WDR59: variants seen among roughly 807,000 people sequenced by gnomAD.
The protein encoded by WDR59 is WD repeat domain 59.
WDR59 carries 100 observed loss-of-function variants against 131.2 expected under a neutral mutation model. That is an observed-to-expected ratio of 0.76 (90% CI 0.65 to 0.90). The LOEUF is 0.90. Among genes scored for constraint, WDR59 ranks in the 40% least tolerant of loss-of-function variants. The pLI is 0.00. For synonymous variants in WDR59, 601 were observed against 466.2 expected (o/e 1.29, Z -3.72); for missense variants, 1,203 against 1,262.2 (o/e 0.95, Z 0.71).
At chr16:74,970,550 T>C (rs564484002) in intron 1 of WDR59, among the ~76,000 whole-genome samples, 74 of 139,800 alleles carry the variant, frequency 5.3e-4, no homozygotes, top group African/African-American at 1.7e-3. Flanking sequence ...AGGACCTCTC[T>C]AAGCAGGTTC....
intron 2 of WDR59, among the ~76,000 whole-genome samples, chr16:74,957,146 T>C (rs1190657000): frequency 1.3e-5 from 2 of 150,532 alleles, no homozygotes; most frequent in African/African-American, 4.9e-5. Context: ...TGTGGTATGA[T>C]CTCAGCTCAC....
intron 9 of WDR59, 53 bp from the exon 10 acceptor site, chr16:74,922,156 C>G: frequency 6.2e-7 from 1 of 1,600,560 alleles, no homozygotes; most frequent in Non-Finnish European, 8.5e-7. Flanking sequence ...GGAGAATCAG[C>G]TGAGTCTTGA....
chr16:74,963,636 G>A (rs1318611002), intron 2 of WDR59, among the ~76,000 whole-genome samples: 1 of 152,138 alleles, frequency 6.6e-6, no homozygotes, highest in Non-Finnish European at 1.5e-5. Context: ...TAATGCATGT[G>A]GGGCTTAATA....
intron 8 of WDR59, among the ~76,000 whole-genome samples, chr16:74,924,530 G>C (rs2030584796): frequency 6.6e-6 from 1 of 152,210 alleles, no homozygotes; most frequent in African/African-American, 2.4e-5. Flanking sequence ...GAAAACCTAG[G>C]AGCCAATCCA....
chr16:74,908,223 G>C, intron 17 of WDR59, among the ~76,000 whole-genome samples: 1 of 152,022 alleles, frequency 6.6e-6, no homozygotes, highest in Non-Finnish European at 1.5e-5. Context: ...TTTGAGACCA[G>C]CCTGGCAACA....
In WDR59 at chr16:74,893,807, T is replaced by A; in HGVS notation, c.1872A>T (p.Ser624=). The change falls in exon 19 of 26, where the codon TCA becomes TCT. Residue 624 remains serine, a synonymous_variant. Coordinates refer to ENST00000262144, the MANE Select transcript of WDR59 (RefSeq NM_030581.4). ...ISSFYYKERK[S]RRWKSKREGS... ...CCTCACGCTTACTTTTCCATCGTCT[T>A]GATTTCTAGGGGTAGATGACAGGAT... The A allele has an allele frequency of 6.2e-7, 1 of 1,614,082 alleles. No individual in the cohort carries two copies. Among genetic ancestry groups the A allele is most frequent in the Admixed American group, 1.7e-5 (1 of 60,014 alleles).
chr16:74,983,738 C>CG (rs1389889483), intron 1 of WDR59, among the ~76,000 whole-genome samples: 1 of 151,772 alleles, frequency 6.6e-6, no homozygotes, highest in Non-Finnish European at 1.5e-5. Flanking sequence ...CACTTTGGGA[C>CG]GCTGAGGCAG....
chr16:74,912,581 G>T (rs1966152624), intron 13 of WDR59, among the ~76,000 whole-genome samples: 1 of 152,176 alleles, frequency 6.6e-6, no homozygotes, highest in African/African-American at 2.4e-5. Context: ...GCTCAAAGTT[G>T]CTGAGACCAG....
At chr16:74,908,841 C>T in intron 17 of WDR59, 67 bp downstream of exon 17, 1 of 1,379,184 alleles carries the variant, frequency 7.3e-7, no homozygotes, top group Admixed American at 1.7e-5. Flanking sequence ...CTCAGTGGTC[C>T]TTCCCAGGTC....
Position 74,873,111 on chromosome 16 carries a change from T to C in WDR59, c.*1098A>G, listed in dbSNP as rs1041923313. 2 of 151,902 alleles carry C rather than the reference T, an allele frequency of 1.3e-5. No homozygotes were observed. Among genetic ancestry groups the C allele is most frequent in the Non-Finnish European group, 2.9e-5 (2 of 68,008 alleles). The allele number at this position is 151,902 out of a possible 1,614,324, so 9.4% of individuals were successfully genotyped here. A position where few individuals can be genotyped will look rare whatever the true frequency, so the allele number is the denominator to read the frequency against. ...TTTTAGTAGAGATGGGGTTTCACCA[T>C]GTTGGCCAGGCTAGTCTCGAACTCC... is the stretch of plus-strand genomic sequence containing the variant. On this transcript the variant is annotated 3_prime_UTR_variant, in exon 26 of 26. Transcript: ENST00000262144.
At chr16:74,909,791 T>A (rs1191544761) in intron 15 of WDR59, 31 bp downstream of exon 15, 1 of 1,598,052 alleles carries the variant, frequency 6.3e-7, no homozygotes, top group Non-Finnish European at 8.5e-7. Context: ...CACCAAAGCC[T>A]AAGTTGGTAT....
chr16:74,982,367 C>G (rs924574859), intron 1 of WDR59, among the ~76,000 whole-genome samples: 1 of 151,956 alleles, frequency 6.6e-6, no homozygotes, highest in African/African-American at 2.4e-5. Context: ...AACAAAAAAA[C>G]AGAAACTCCC....
In WDR59 at chr16:74,892,552, C is replaced by A. The variant is rs769346953; in HGVS notation, c.2014G>T (p.Asp672Tyr). 6.2e-7 allele frequency: 1 copy of A among 1,613,202 alleles called. No homozygotes were observed. The highest frequency in any genetic ancestry group is 1.7e-5 in the Admixed American group (1 of 59,936). The change falls in exon 20 of 26, where the codon GAT (aspartate) becomes TAT (tyrosine). Residue 672 changes from aspartate to tyrosine, a missense_variant. Asp to Tyr is a radical substitution (Grantham distance 160). Transcript: ENST00000262144. ...TTCTTCTGACATGTTTCCTGAATAT[C>A]ATTCACATTCAATCTGAAATTTTTT... ...LGELYILNVNDIQETCQKNAA... is the reference protein window; with the variant it reads ...LGELYILNVNYIQETCQKNAA...
rs61511176 is a variant in WDR59, at chr16:74,927,683, A to AACACACACACACAC, written c.652-3694_652-3681dup. 5.9e-5 allele frequency among the ~76,000 whole-genome samples: 7 copies of AACACACACACACAC among 118,246 alleles called. No individual in the cohort carries two copies. In the South Asian group the frequency reaches 1.7e-3, roughly 29 times the overall value. The allele number at this position is 118,246 out of a possible 152,430, so 77.6% of individuals were successfully genotyped here. ...GTTTTAGATTTGCTGCTCTTTAAAAAACACACACACACACACACACACACA... is the reference window on the plus strand; with the variant it reads ...GTTTTAGATTTGCTGCTCTTTAAAAAACACACACACACACACACACACACACACACACACACACA... On this transcript the variant is annotated intron_variant, in intron 8 of 25. Coordinates refer to ENST00000262144, the MANE Select transcript of WDR59 (RefSeq NM_030581.4).
chr16:74,975,956 G>A (rs2034162860), intron 1 of WDR59, among the ~76,000 whole-genome samples: 1 of 152,006 alleles, frequency 6.6e-6, no homozygotes, highest in South Asian at 2.1e-4. Context: ...TTTGACACCA[G>A]CCTGGGCAAC....
intron 20 of WDR59, 44 bp downstream of exon 20, chr16:74,892,440 C>T: frequency 6.6e-7 from 1 of 1,509,286 alleles, no homozygotes; most frequent in Non-Finnish European, 9.1e-7. Flanking sequence ...ACAATTTGCT[C>T]CTGAAGAAAA....
chr16:74,893,865 A>G, intron 18 of WDR59, 53 bp from the exon 19 acceptor site: 3 of 1,599,748 alleles, frequency 1.9e-6, no homozygotes, highest in Non-Finnish European at 2.6e-6. Flanking sequence ...AGTGGAAACC[A>G]ACAATTGCAG....
At chr16:74,939,706 A>T (rs918091866) in intron 7 of WDR59, among the ~76,000 whole-genome samples, 14 of 152,166 alleles carry the variant, frequency 9.2e-5, no homozygotes, top group Non-Finnish European at 2.9e-5. Flanking sequence ...TGCAGTCTCC[A>T]GGCTGGGTGG....
intron 8 of WDR59, among the ~76,000 whole-genome samples, chr16:74,933,074 G>A (rs577329891): frequency 1.3e-5 from 2 of 152,188 alleles, no homozygotes; most frequent in African/African-American, 4.8e-5. Flanking sequence ...ACATTATATG[G>A]ATAGTACACA....
Sources: allele counts gnomAD v4.1 joint callset (sites outside exome capture counted in the v4.1 genomes callset), GRCh38; gene constraint gnomAD v4.1.1; transcripts MANE v1.5; gene names NCBI Gene and HGNC (gene_info 2026-07-23, HGNC 2026-07-21).